The following FGF14 variants were observed in gnomAD, a reference collection of about 807,000 sequenced individuals.
FGF14 encodes fibroblast growth factor homologous factor 4.
A neutral mutation model predicts 25.5 loss-of-function variants in FGF14; 5 were observed. The observed-to-expected ratio is 0.20, with a 90% CI of 0.10 to 0.41. The LOEUF is 0.41. Among genes scored for constraint, FGF14 ranks in the 10% least tolerant of loss-of-function variants. The pLI, the probability that FGF14 is intolerant of heterozygous loss-of-function variation, is 1.00. For synonymous variants in FGF14, 138 were observed against 118.3 expected, an observed-to-expected ratio of 1.17 and a Z score of -1.08; for missense variants, 222 against 320.1, an observed-to-expected ratio of 0.69 and a Z score of 2.34.
chr13:102,093,508 T>C (rs146416478), intron 1 of FGF14, among the ~76,000 whole-genome samples: 1 of 152,312 alleles, frequency 6.6e-6, no homozygotes, highest in African/African-American at 2.4e-5. Flanking sequence ...TAAAATGCCA[T>C]GTAATGCTAA....
chr13:101,985,897 A>G lies in FGF14; in HGVS notation c.209-110601T>C, dbSNP rs913999229. Among the ~76,000 whole-genome samples, 10 of 152,258 alleles carry G rather than the reference A, an allele frequency of 6.6e-5. No individual in the cohort carries two copies. In the South Asian group the frequency reaches 1.2e-3, roughly 19 times the overall value. Reference sequence around the variant, plus strand: ...AAATAGCTTCTTATTAGGCTAAGCCATATTTACCCCTCCTACCAAATCTGC... The same window carrying G: ...AAATAGCTTCTTATTAGGCTAAGCCGTATTTACCCCTCCTACCAAATCTGC... On this transcript the variant is annotated intron_variant, in intron 1 of 4. Coordinates refer to the FGF14 transcript ENST00000376131.
intron 1 of FGF14, among the ~76,000 whole-genome samples, chr13:102,173,181 A>G (rs943345386): frequency 8.5e-5 from 13 of 152,186 alleles, no homozygotes; most frequent in African/African-American, 3.1e-4. Flanking sequence ...TGGGCAAAGG[A>G]CTGGAATAGA....
intron 3 of FGF14, among the ~76,000 whole-genome samples, chr13:101,736,778 A>G (rs2036218290): frequency 6.6e-6 from 1 of 151,958 alleles, no homozygotes; most frequent in South Asian, 2.1e-4. Context: ...CTGCAGGTGA[A>G]TATCTTGATG....
intron 1 of FGF14, among the ~76,000 whole-genome samples, chr13:101,908,344 T>C (rs2032504835): frequency 6.6e-6 from 1 of 152,166 alleles, no homozygotes; most frequent in Non-Finnish European, 1.5e-5. Context: ...TTTTTATTTT[T>C]GTTTCCGATT....
chr13:101,769,175 T>A (rs899797110), intron 3 of FGF14, among the ~76,000 whole-genome samples: 1 of 152,074 alleles, frequency 6.6e-6, no homozygotes, highest in Non-Finnish European at 1.5e-5. Context: ...CCAAAGAAGA[T>A]ATACAGATGG....
At chr13:102,399,263 T>C (rs2139284635) in intron 1 of FGF14, among the ~76,000 whole-genome samples, 2 of 152,344 alleles carry the variant, frequency 1.3e-5, no homozygotes, top group East Asian at 3.9e-4. Flanking sequence ...AGAAACTTAC[T>C]GTTCTGTGCT....
intron 3 of FGF14, among the ~76,000 whole-genome samples, chr13:101,852,616 A>G (rs949762078): frequency 7.2e-5 from 11 of 152,038 alleles, no homozygotes; most frequent in African/African-American, 2.7e-4. Flanking sequence ...CACTCTCTTA[A>G]AGGAAATGTC....
intron 1 of FGF14, among the ~76,000 whole-genome samples, chr13:102,188,999 AGAAAGAAAGAGAAAGAAT>A (rs1566796783): frequency 2.4e-4 from 22 of 91,084 alleles, no homozygotes; most frequent in African/African-American, 4.4e-4. Context: ...AAAGAAAGAA[AGAAAGAAAGAGAAAGAAT>A]GAAAGAAGAA....
At chr13:101,827,867 TA>T (rs1295927084) in intron 3 of FGF14, among the ~76,000 whole-genome samples, 1 of 150,474 alleles carries the variant, frequency 6.6e-6, no homozygotes, top group Non-Finnish European at 1.5e-5. Context: ...GTCATTAACC[TA>T]AATCATTAGA....
intron 1 of FGF14, among the ~76,000 whole-genome samples, chr13:102,143,229 C>A (rs1458972595): frequency 1.3e-5 from 2 of 152,096 alleles, no homozygotes; most frequent in East Asian, 3.9e-4. Flanking sequence ...CTTTCAAATG[C>A]TTTGTCCTCT....
intron 1 of FGF14, among the ~76,000 whole-genome samples, chr13:102,161,582 AG>A (rs758770325): frequency 0.089 from 262 of 2,960 alleles, 21 homozygotes; most frequent in African/African-American, 0.1. Context: ...AGAAAGAAGA[AG>A]AAGAAGAAGA....
intron 3 of FGF14, among the ~76,000 whole-genome samples, chr13:101,734,958 A>G (rs1200282231): frequency 6.6e-6 from 1 of 152,196 alleles, no homozygotes; most frequent in South Asian, 2.1e-4. Flanking sequence ...CCTCCTCCCA[A>G]CCAACGACCT....
intron 1 of FGF14, among the ~76,000 whole-genome samples, chr13:102,290,172 T>C (rs1289119258): frequency 1.3e-5 from 2 of 151,930 alleles, no homozygotes; most frequent in Non-Finnish European, 2.9e-5. Flanking sequence ...GATTACGAAG[T>C]GAGATTTTTG....
chr13:101,956,267 TAC>T (rs1491467493), intron 1 of FGF14, among the ~76,000 whole-genome samples: 16 of 151,744 alleles, frequency 1.1e-4, no homozygotes, highest in African/African-American at 3.9e-4. Context: ...GATAGATAGA[TAC>T]AGATACAGAT....
At chr13:101,817,172 G>A (rs143768496) in intron 3 of FGF14, among the ~76,000 whole-genome samples, 7 of 152,262 alleles carry the variant, frequency 4.6e-5, no homozygotes, top group East Asian at 3.9e-4. Flanking sequence ...CAGGATCACA[G>A]GGCCTGGTTT....
chr13:102,207,743 G>A (rs2049994970), intron 1 of FGF14, among the ~76,000 whole-genome samples: 1 of 151,134 alleles, frequency 6.6e-6, no homozygotes, highest in African/African-American at 2.4e-5. Context: ...TTTCCAAAAT[G>A]TCTGTGCTGA....
At chr13:101,917,521 C>T (rs1020283847), upstream of FGF14, among the ~76,000 whole-genome samples, 4 of 152,024 alleles carry the variant, frequency 2.6e-5, no homozygotes, top group African/African-American at 9.7e-5. Context: ...TTGGTTGGGG[C>T]TTCTCGGTCT....
rs16959316 is a variant in FGF14, at chr13:101,762,028, A to T, written c.409-35218T>A. Among the ~76,000 whole-genome samples the T allele has an allele frequency of 5.7e-3, 873 of 152,284 alleles. 9 individuals carry two copies. The highest frequency in any genetic ancestry group is 0.019 in the African/African-American group (808 of 41,558). On this transcript the variant is annotated intron_variant, in intron 3 of 4. Coordinates refer to ENST00000376143, the MANE Select transcript of FGF14 (RefSeq NM_004115.4). ...TCTGAATACTAAGCAGTATAGGTTG[A>T]TGATCTGTGTAGCAACCATGTGAGG...
chr13:101,946,363 CAAA>C (rs59866034), intron 1 of FGF14, among the ~76,000 whole-genome samples: 12 of 91,942 alleles, frequency 1.3e-4, no homozygotes, highest in African/African-American at 2.9e-4. Flanking sequence ...GCTTCTCCAT[CAAA>C]AAAAAAAAAA....
Sources: gnomAD v4.1 joint callset for allele counts (sites outside exome capture counted in the v4.1 genomes callset) on GRCh38, gnomAD v4.1.1 for gene constraint, MANE v1.5 for transcripts, NCBI Gene and HGNC (gene_info 2026-07-23, HGNC 2026-07-21) for gene names.